Variants in P3H1 observed in about 807,000 individuals in gnomAD.
P3H1 encodes the protein prolyl 3-hydroxylase 1, also known as growth suppressor 1.
In P3H1, 69 loss-of-function variants were observed where a neutral mutation model predicts 84.0. The ratio of observed to expected loss-of-function variants is 0.82; its 90% CI spans 0.68 to 1.00. The LOEUF is 1.00. Among genes scored for constraint, P3H1 ranks in the 50% least tolerant of loss-of-function variants. The probability of loss-of-function intolerance (pLI) is 0.00; values close to 1 mark genes in which losing one functional copy is unlikely to be tolerated. For missense variants in P3H1, 878 were observed against 962.8 expected, an observed-to-expected ratio of 0.91 and a Z score of 1.17; for synonymous variants, 366 against 388.8, an observed-to-expected ratio of 0.94 and a Z score of 0.69.
chr1:42,747,948 C>T (rs577812390), intron 12 of P3H1, 150 bp from the exon 13 acceptor site: 4 of 785,816 alleles, frequency 5.1e-6, no homozygotes, highest in East Asian at 5.3e-5. Flanking sequence ...GTACAAACTC[C>T]ACCTTTCCAC....
In P3H1 at chr1:42,759,393, A is replaced by G. The variant is rs1338247551; in HGVS notation, c.619-3T>C. The G allele has an allele frequency of 1.9e-6, 3 of 1,613,788 alleles. No individual in the cohort carries two copies. The highest frequency in any genetic ancestry group is 2.5e-6 in the Non-Finnish European group (3 of 1,179,892). ...CGCACTCCCAGTCGAAATTCTTGCTACTGGGAAGAAGGAGCACTCAAATGC... is the reference window on the plus strand; with the variant it reads ...CGCACTCCCAGTCGAAATTCTTGCTGCTGGGAAGAAGGAGCACTCAAATGC... On this transcript the variant is annotated splice_region_variant and splice_polypyrimidine_tract_variant and intron_variant, in intron 2 of 14. Coordinates refer to ENST00000296388, the MANE Select transcript of P3H1 (RefSeq NM_022356.4).
Position 42,759,253 on chromosome 1 carries a change from G to C in P3H1, c.756C>G (p.Tyr252Ter). 6.2e-7 allele frequency: 1 copy of C among 1,614,200 alleles called. No homozygotes were observed. Among genetic ancestry groups the C allele is most frequent in the Non-Finnish European group, 8.5e-7 (1 of 1,180,048 alleles). ...TGTACTCAAGGTAGTTGTAGCCATC[G>C]TAGTCATAGGGCCCTTCGCAGAGGG... ...CRALCEGPYD[Y>*]DGYNYLEYNA... is the part of the protein sequence containing the mutation. The change falls in exon 3 of 15, where the codon TAC becomes TAG. Residue 252 changes from tyrosine to a stop codon, truncating the protein, a stop_gained. Transcript: ENST00000296388. LOFTEE classifies it high-confidence loss of function.
In P3H1 at chr1:42,754,210, G is replaced by A. The variant is rs1329595417; in HGVS notation, c.1345+659C>T. Reference sequence around the variant, plus strand: ...GGCAAGGACAGGCCAGACGGGGAAAGGGTGGGTGCAGATAGGAGGTGCCAG... The same window carrying A: ...GGCAAGGACAGGCCAGACGGGGAAAAGGTGGGTGCAGATAGGAGGTGCCAG... On this transcript the variant is annotated intron_variant, in intron 8 of 14. Coordinates refer to ENST00000296388, the MANE Select transcript of P3H1 (RefSeq NM_022356.4). The surrounding 1 kb of genome is among the most constrained non-coding windows in gnomAD (Gnocchi z 4.0). Among the ~76,000 whole-genome samples the A allele has an allele frequency of 1.3e-5, 2 of 152,190 alleles. No homozygotes were observed. The highest frequency in any genetic ancestry group is 2.9e-5 in the Non-Finnish European group (2 of 68,026).
At chr1:42,749,018 A>C (rs79161544) in intron 11 of P3H1, among the ~76,000 whole-genome samples, 2 of 152,088 alleles carry the variant, frequency 1.3e-5, no homozygotes, top group African/African-American at 4.8e-5. Context: ...CCCTCCTCCC[A>C]CTGCCACTTC....
In P3H1 at chr1:42,766,865, T is replaced by A; in HGVS notation, c.107A>T (p.Asp36Val). The change falls in exon 1 of 15, where the codon GAT becomes GTT. Residue 36 changes from aspartate to valine, a missense_variant. Physicochemically the swap from Asp to Val is radical, Grantham distance 152 (BLOSUM62 -3). Coordinates refer to ENST00000296388, the MANE Select transcript of P3H1 (RefSeq NM_022356.4). The part of the protein sequence containing the change: ...SEAGWGMVTP[D>V]LLFAEGTAAY... ...TGCGGTCCCCTCGGCGAAGAGCAGA[T>A]CAGGCGTCACCATGCCCCATCCTGC... 6.2e-7 allele frequency: 1 copy of A among 1,607,262 alleles called. No individual in the cohort carries two copies.
chr1:42,749,852 A>C, intron 11 of P3H1: 1 of 339,268 alleles, frequency 2.9e-6, no homozygotes. Flanking sequence ...CTGCTCAGCT[A>C]TGTATGAAAC....
In P3H1 at chr1:42,751,577, A is replaced by T. The variant is rs866693613; in HGVS notation, c.1569+697T>A. 1.7e-3 allele frequency: 211 copies of T among 121,518 alleles called. 4 individuals carry two copies. The highest frequency in any genetic ancestry group is 6.3e-3 in the African/African-American group (201 of 31,756). 7.5% of individuals were successfully genotyped at this position (121,518 alleles called of 1,614,324 possible). On this transcript the variant is annotated intron_variant, in intron 10 of 14. Transcript: ENST00000296388. ...CAAGAATGATCAATAAAAAAAAAAT[A>T]AATAAATAAATAAATAAATAAATAA...
intron 3 of P3H1, 90 bp downstream of exon 3, chr1:42,759,111 G>T: frequency 6.4e-7 from 1 of 1,559,394 alleles, no homozygotes; most frequent in Non-Finnish European, 8.8e-7. Flanking sequence ...ATTGAGGAAT[G>T]AGGGTGAAGA....
intron 10 of P3H1, chr1:42,751,675 TG>T (rs2124105378): frequency 6.0e-6 from 1 of 165,786 alleles, no homozygotes; most frequent in Non-Finnish European, 1.3e-5. Flanking sequence ...CTGCCATCCA[TG>T]TAAGATGTGA....
In P3H1 at chr1:42,752,602, G is replaced by C. The variant is rs757634052; in HGVS notation, c.1408C>G (p.Gln470Glu). 6.2e-7 allele frequency: 1 copy of C among 1,614,170 alleles called. No individual in the cohort carries two copies. The highest frequency in any genetic ancestry group is 8.5e-7 in the Non-Finnish European group (1 of 1,180,020). The change falls in exon 9 of 15, where the codon CAG becomes GAG. Residue 470 changes from glutamine to glutamate, a missense_variant. Physicochemically the swap from Gln to Glu is conservative, Grantham distance 29. Transcript: ENST00000296388. ...TMNSKLLNGS[Q>E]RVVMDGVISD... Reference sequence around the variant, plus strand: ...ATTACGCCGTCCATCACCACCCGCTGGGAACCATTCAGGAGTTTGGAGTTC... The same window carrying C: ...ATTACGCCGTCCATCACCACCCGCTCGGAACCATTCAGGAGTTTGGAGTTC...
intron 11 of P3H1, among the ~76,000 whole-genome samples, chr1:42,749,689 A>G (rs1570457716): frequency 6.6e-6 from 1 of 152,024 alleles, no homozygotes. Flanking sequence ...CCATCCCACC[A>G]CCCGGAGTAC....
At position 42,752,351 on chromosome 1, in the gene P3H1, C is replaced by T. The variant is rs1171156356; in HGVS notation, c.1492G>A (p.Asp498Asn). Residue 498 changes from aspartate to asparagine, a missense_variant, in exon 10 of 15, where the codon GAT becomes AAT. Physicochemically the swap from Asp to Asn is conservative, Grantham distance 23. Coordinates refer to ENST00000296388, the MANE Select transcript of P3H1 (RefSeq NM_022356.4). ...RLTNVAATSG[D>N]GYRGQTSPHT... is the part of the protein sequence containing the mutation. ...GGGGAGGTCTGACCCCGGTAGCCAT[C>T]TCCTGAGGTTGCTGCCACCTACAAG... 1 of 1,614,154 alleles carries T rather than the reference C, an allele frequency of 6.2e-7. No homozygotes were observed. The highest frequency in any genetic ancestry group is 1.7e-5 in the Admixed American group (1 of 60,028).
rs1197516417 is a variant in P3H1 at position 42,747,324 on chromosome 1, TG to T, written c.2002del (p.Gln668SerfsTer27). ...PHGVKAVTRG[Q>X]RCAIALWFTL... ...GAACCACAGGGCGATGGCACAGCGC[TG>T]CCCCCTGGTGACAGCCTTCACTCCA... On this transcript the variant is annotated frameshift_variant, in exon 14 of 15. Transcript: ENST00000296388. LOFTEE classifies it high-confidence loss of function. 6.2e-7 allele frequency: 1 copy of T among 1,611,068 alleles called. No homozygotes were observed. Among genetic ancestry groups the T allele is most frequent in the South Asian group, 1.1e-5 (1 of 91,004 alleles).
Position 42,747,320 on chromosome 1 carries a change from G to C in P3H1, c.2007C>G (p.Arg669=). The change falls in exon 14 of 15, where the codon CGC becomes CGG. Residue 669 remains arginine (R), a synonymous_variant. Coordinates refer to ENST00000296388, the MANE Select transcript of P3H1 (RefSeq NM_022356.4). The part of the protein sequence containing the change: ...HGVKAVTRGQ[R]CAIALWFTLD... Reference sequence around the variant, plus strand: ...GGGTGAACCACAGGGCGATGGCACAGCGCTGCCCCCTGGTGACAGCCTTCA... The same window carrying C: ...GGGTGAACCACAGGGCGATGGCACACCGCTGCCCCCTGGTGACAGCCTTCA... 1.2e-6 allele frequency: 2 copies of C among 1,611,758 alleles called. No individual in the cohort carries two copies. The highest frequency in any genetic ancestry group is 1.7e-6 in the Non-Finnish European group (2 of 1,178,300).
chr1:42,754,749 A>C lies in P3H1; in HGVS notation c.1345+120T>G. The C allele has an allele frequency of 7.4e-7, 1 of 1,343,960 alleles. No individual in the cohort carries two copies. Among genetic ancestry groups the C allele is most frequent in the Non-Finnish European group, 1.1e-6 (1 of 946,010 alleles). 83.3% of individuals were successfully genotyped at this position (1,343,960 alleles called of 1,614,324 possible). A position where few individuals can be genotyped will look rare whatever the true frequency, so the allele number is the denominator to read the frequency against. On this transcript the variant is annotated intron_variant, in intron 8 of 14. Transcript: ENST00000296388. The surrounding 1 kb of genome is among the most constrained non-coding windows in gnomAD (Gnocchi z 4.0). Reference sequence around the variant, plus strand: ...GGATGTCCACTGAACTTGCACCCTAAGGGTGGCTGGCTCATGGTGAGCTCT... The same window carrying C: ...GGATGTCCACTGAACTTGCACCCTACGGGTGGCTGGCTCATGGTGAGCTCT...
At chr1:42,756,971 A>T (rs1269552062) in intron 5 of P3H1, among the ~76,000 whole-genome samples, 1 of 152,260 alleles carries the variant, frequency 6.6e-6, no homozygotes, top group African/African-American at 2.4e-5. Context: ...CAGCGGCTCA[A>T]CAAATGTTAG....
chr1:42,759,553 C>G (rs1652592088), intron 2 of P3H1, among the ~76,000 whole-genome samples, 163 bp from the exon 3 acceptor site: 1 of 152,158 alleles, frequency 6.6e-6, no homozygotes, highest in Non-Finnish European at 1.5e-5. Flanking sequence ...TGTAAATGGT[C>G]TTTACAAAAT....
chr1:42,764,118 G>A (rs552861888), intron 1 of P3H1, among the ~76,000 whole-genome samples: 7 of 151,744 alleles, frequency 4.6e-5, no homozygotes, highest in East Asian at 1.9e-4. Context: ...CAACAAGAGC[G>A]AAACTCCGTC....
chr1:42,747,105 A>G (rs759223941), intron 14 of P3H1, 167 bp downstream of exon 14: 1 of 1,614,198 alleles, frequency 6.2e-7, no homozygotes, highest in South Asian at 1.1e-5. Flanking sequence ...AGGGAGGACA[A>G]GGCAATGTGA....
Sources: gnomAD v4.1 joint callset for allele counts (sites outside exome capture counted in the v4.1 genomes callset) on GRCh38, gnomAD v4.1.1 for gene constraint, Gnocchi (gnomAD v3.1) non-coding constraint, MANE v1.5 for transcripts, NCBI Gene and HGNC (gene_info 2026-07-23, HGNC 2026-07-21) for gene names.